The following CDH7 variants were observed in gnomAD, a reference collection of about 807,000 sequenced individuals.
CDH7 encodes cadherin-7.
A neutral mutation model predicts 71.8 loss-of-function variants in CDH7; 25 were observed. The observed-to-expected ratio is 0.35, with a 90% CI of 0.25 to 0.49. The LOEUF (loss-of-function observed/expected upper bound fraction) is 0.49. Ranked by LOEUF, CDH7 falls within the 20% of genes least tolerant of loss-of-function variation. The pLI is 0.99. For missense variants in CDH7, 862 were observed against 974.6 expected (o/e 0.88, Z 1.54); for synonymous variants, 381 against 363.8 (o/e 1.05, Z -0.54).
At chr18:65,834,312 A>G (rs1912458349) in intron 6 of CDH7, among the ~76,000 whole-genome samples, 1 of 152,200 alleles carries the variant, frequency 6.6e-6, no homozygotes, top group Non-Finnish European at 1.5e-5. Flanking sequence ...CTAAGAAGTC[A>G]TGAATATAGG....
At chr18:65,847,356 T>C (rs1350841832) in intron 7 of CDH7, among the ~76,000 whole-genome samples, 2 of 152,210 alleles carry the variant, frequency 1.3e-5, no homozygotes, top group African/African-American at 4.8e-5. Flanking sequence ...AGGGTTTGAC[T>C]TGTAAAACAG....
At position 65,751,952 on chromosome 18, in the gene CDH7, G is replaced by A. The variant is rs1915893583; in HGVS notation, c.-197+802G>A. Among the ~76,000 whole-genome samples, 3 of 152,312 alleles carry A rather than the reference G, an allele frequency of 2.0e-5. No homozygotes were observed. In the South Asian group the frequency reaches 6.2e-4, roughly 32 times the overall value. ...CGGATTTCTTAAATGTCATAGTTCA[G>A]GTGAGTAAAGATTGGCAATGAGTTC... On this transcript the variant is annotated intron_variant, in intron 1 of 11. Coordinates refer to ENST00000397968, the MANE Select transcript of CDH7 (RefSeq NM_004361.5).
Position 65,881,131 on chromosome 18 carries a change from T to C in CDH7, c.*237T>C. ...CACAGACTCTGAGCATTTGAAGGTT[T>C]TTTGATAAAAATAAATGCTCAGTGG... is the stretch of plus-strand genomic sequence containing the variant. On this transcript the variant is annotated 3_prime_UTR_variant, in exon 12 of 12. Transcript: ENST00000397968. The C allele has an allele frequency of 2.6e-6, 1 of 383,806 alleles. No individual in the cohort carries two copies. Among genetic ancestry groups the C allele is most frequent in the South Asian group, 5.7e-5 (1 of 17,412 alleles). The allele number at this position is 383,806 out of a possible 1,614,324, so 23.8% of individuals were successfully genotyped here.
Position 65,888,940 on chromosome 18 carries a change from T to C in CDH7, c.*8046T>C, listed in dbSNP as rs1364924144. The stretch of plus-strand genomic sequence containing the variant: ...GGACTTTCCAATCTTAATTATGCTT[T>C]AGTTCCCTTACCAGGATTAGGAAAC... On this transcript the variant is annotated 3_prime_UTR_variant, in exon 12 of 12. Coordinates refer to ENST00000397968, the MANE Select transcript of CDH7 (RefSeq NM_004361.5). 6.6e-6 allele frequency: 1 copy of C among 152,270 alleles called. No homozygotes were observed. Among genetic ancestry groups the C allele is most frequent in the Admixed American group, 6.5e-5 (1 of 15,288 alleles). The allele number at this position is 152,270 out of a possible 1,614,324, so 9.4% of individuals were successfully genotyped here.
chr18:65,840,560 G>A (rs1338722643), intron 6 of CDH7, among the ~76,000 whole-genome samples: 1 of 152,114 alleles, frequency 6.6e-6, no homozygotes, highest in Non-Finnish European at 1.5e-5. Context: ...ATTGAATCAT[G>A]GAGGTGGTTT....
intron 6 of CDH7, among the ~76,000 whole-genome samples, chr18:65,828,821 C>T (rs192185601): frequency 1.3e-5 from 2 of 152,058 alleles, no homozygotes; most frequent in Non-Finnish European, 2.9e-5. Context: ...TGTGTAGCTT[C>T]TCTGCCTCTT....
At chr18:65,776,209 C>T (rs1482673580) in intron 2 of CDH7, among the ~76,000 whole-genome samples, 1 of 151,968 alleles carries the variant, frequency 6.6e-6, no homozygotes. Context: ...ACCACAGGTG[C>T]ACCCCACTGT....
At chr18:65,822,460 C>G (rs1466989357) in intron 5 of CDH7, among the ~76,000 whole-genome samples, 3 of 152,082 alleles carry the variant, frequency 2.0e-5, no homozygotes, top group African/African-American at 7.2e-5. Context: ...CATATATTTG[C>G]ATTACTTCTA....
At chr18:65,865,304 G>T (rs1913719201) in intron 11 of CDH7, 1 of 152,064 alleles carries the variant, frequency 6.6e-6, no homozygotes, top group Admixed American at 6.5e-5. Context: ...TATACAGTAT[G>T]TGCATGTATG....
chr18:65,782,099 C>T (rs1446906171), intron 2 of CDH7, among the ~76,000 whole-genome samples: 1 of 38,284 alleles, frequency 2.6e-5, no homozygotes, highest in Admixed American at 2.8e-4. Context: ...TCCTTCCTTC[C>T]TTCCTTCCTT....
chr18:65,865,060 G>T (rs1441818073), intron 11 of CDH7, among the ~76,000 whole-genome samples: 1 of 152,046 alleles, frequency 6.6e-6, no homozygotes, highest in African/African-American at 2.4e-5. Context: ...GAATAAGATT[G>T]TATTCCCCAA....
chr18:65,793,296 G>A lies in CDH7; in HGVS notation c.211-16408G>A, dbSNP rs1185942892. Among the ~76,000 whole-genome samples the A allele has an allele frequency of 4.0e-5, 6 of 151,834 alleles. No individual in the cohort carries two copies. The East Asian group carries it at 1.2e-3, about 30-fold the overall frequency. ...AAAAATATAAAAATTGGCTGGTTGC[G>A]GTGTCACGTGTGTGTCATTTCAGCT... is the stretch of plus-strand genomic sequence containing the variant. On this transcript the variant is annotated intron_variant, in intron 2 of 11. Transcript: ENST00000397968.
In CDH7 at chr18:65,888,658, A is replaced by G. The variant is rs1914434172; in HGVS notation, c.*7764A>G. ...ACATATACATGGTTTCAATTTTCTT[A>G]TAAGTCTGTGAATCACTCAAGTTAG... On this transcript the variant is annotated 3_prime_UTR_variant, in exon 12 of 12. Transcript: ENST00000397968. 6.6e-6 allele frequency: 1 copy of G among 152,154 alleles called. No homozygotes were observed. Among genetic ancestry groups the G allele is most frequent in the South Asian group, 2.1e-4 (1 of 4,830 alleles). The allele number at this position is 152,154 out of a possible 1,614,324, so 9.4% of individuals were successfully genotyped here.
At chr18:65,774,654 T>C (rs1448208069) in intron 2 of CDH7, among the ~76,000 whole-genome samples, 1 of 151,986 alleles carries the variant, frequency 6.6e-6, no homozygotes, top group East Asian at 1.9e-4. Flanking sequence ...CTACAGCTAC[T>C]CTCATATCTC....
At chr18:65,789,643 G>A (rs1910640492) in intron 2 of CDH7, among the ~76,000 whole-genome samples, 1 of 151,868 alleles carries the variant, frequency 6.6e-6, no homozygotes, top group South Asian at 2.1e-4. Flanking sequence ...GATATGGTGA[G>A]GACTGAAAAA....
intron 2 of CDH7, among the ~76,000 whole-genome samples, chr18:65,806,277 T>C (rs1038732132): frequency 2.1e-5 from 3 of 145,082 alleles, no homozygotes; most frequent in African/African-American, 5.2e-5. Flanking sequence ...CCTCTCACTT[T>C]TTGTGCTCAT....
intron 1 of CDH7, among the ~76,000 whole-genome samples, chr18:65,752,471 A>T (rs918632231): frequency 6.6e-6 from 1 of 152,240 alleles, no homozygotes; most frequent in African/African-American, 2.4e-5. Flanking sequence ...AATTAATTAC[A>T]TTTGAAGCGT....
chr18:65,829,638 C>G (rs1179961474), intron 6 of CDH7, among the ~76,000 whole-genome samples: 1 of 151,768 alleles, frequency 6.6e-6, no homozygotes, highest in East Asian at 1.9e-4. Flanking sequence ...CTGTTGACTC[C>G]CCTGCACTCT....
chr18:65,846,548 G>A (rs1248002500), intron 7 of CDH7, among the ~76,000 whole-genome samples: 1 of 151,994 alleles, frequency 6.6e-6, no homozygotes, highest in Non-Finnish European at 1.5e-5. Flanking sequence ...TTTTCATAAG[G>A]TCAGCACAAT....
Sources: allele counts gnomAD v4.1 joint callset (sites outside exome capture counted in the v4.1 genomes callset), GRCh38; gene constraint gnomAD v4.1.1; transcripts MANE v1.5; gene names NCBI Gene and HGNC (gene_info 2026-07-23, HGNC 2026-07-21).